RSF1: variants seen among roughly 807,000 people sequenced by gnomAD.
The protein encoded by RSF1 is remodeling and spacing factor 1.
RSF1 carries 13 observed loss-of-function variants against 145.2 expected under a neutral mutation model. The ratio of observed to expected loss-of-function variants is 0.09; its 90% CI spans 0.06 to 0.14. RSF1 has a LOEUF of 0.14. Among genes scored for constraint, RSF1 ranks in the 10% least tolerant of loss-of-function variants. The pLI, the probability that RSF1 is intolerant of heterozygous loss-of-function variation, is 1.00. For missense variants in RSF1, 1,517 were observed against 1,718.2 expected, an observed-to-expected ratio of 0.88 and a Z score of 2.07; for synonymous variants, 577 against 592.6, an observed-to-expected ratio of 0.97 and a Z score of 0.38.
intron 7 of RSF1, among the ~76,000 whole-genome samples, chr11:77,694,501 T>TA (rs1565150779): frequency 6.6e-6 from 1 of 152,220 alleles, no homozygotes; most frequent in Non-Finnish European, 1.5e-5. Context: ...GGTCTAAAAC[T>TA]AAACACAGTA....
At chr11:77,732,602 AG>A (rs1961234473) in intron 4 of RSF1, among the ~76,000 whole-genome samples, 1 of 152,168 alleles carries the variant, frequency 6.6e-6, no homozygotes, top group Admixed American at 6.5e-5. Flanking sequence ...GATTGAATTA[AG>A]GGTGCAGGTT....
chr11:77,786,946 G>C (rs1948462640), intron 1 of RSF1, among the ~76,000 whole-genome samples: 1 of 152,168 alleles, frequency 6.6e-6, no homozygotes, highest in South Asian at 2.1e-4. Flanking sequence ...TGGGTAAAGA[G>C]GCAAACAGGG....
rs1418793397 is a variant in RSF1 at position 77,737,619 on chromosome 11, GGGGTGTGTGTGTGTGTGT to G, written c.578+3094_578+3111del. ...TGGAAAGAAGTTTTATGTGTTTTGG[GGGGTGTGTGTGTGTGTGT>G]GTGTGTGTGTGTGTGTGTGTGTGTG... is the stretch of plus-strand genomic sequence containing the variant. On this transcript the variant is annotated intron_variant, in intron 4 of 15. Coordinates refer to ENST00000308488, the MANE Select transcript of RSF1 (RefSeq NM_016578.4). Among the ~76,000 whole-genome samples, 291 of 102,378 alleles carry G rather than the reference GGGGTGTGTGTGTGTGTGT, an allele frequency of 2.8e-3. 1 individual carries two copies. The highest frequency in any genetic ancestry group is 0.01 in the African/African-American group (272 of 26,754). The allele number at this position is 102,378 out of a possible 152,430, so 67.2% of individuals were successfully genotyped here.
At position 77,701,090 on chromosome 11, in the gene RSF1, T is replaced by G; in HGVS notation, c.2139A>C (p.Glu713Asp). The part of the protein sequence containing the change: ...KSKFKYKLVP[E>D]EETTASENTE... ...TATTTTCTGAGGCAGTGGTTTCTTC[T>G]TCAGGAACCAACTTATATTTGAATT... is the stretch of plus-strand genomic sequence containing the variant. The change falls in exon 6 of 16, where the codon GAA becomes GAC. Residue 713 changes from glutamate to aspartate, a missense_variant. Glu to Asp is a conservative substitution (Grantham distance 45, BLOSUM62 2). Transcript: ENST00000308488. 1 of 1,613,562 alleles carries G rather than the reference T, an allele frequency of 6.2e-7. No individual in the cohort carries two copies. Among genetic ancestry groups the G allele is most frequent in the South Asian group, 1.1e-5 (1 of 90,962 alleles).
the RSF1 span, among the ~76,000 whole-genome samples, chr11:77,847,942 TA>T: frequency 6.6e-6 from 1 of 152,104 alleles, no homozygotes; most frequent in Non-Finnish European, 1.5e-5. Flanking sequence ...ATGTCCCAGT[TA>T]AAATGGTGAG....
chr11:77,787,604 T>C (rs1211203478), intron 1 of RSF1, among the ~76,000 whole-genome samples: 1 of 151,992 alleles, frequency 6.6e-6, no homozygotes, highest in Non-Finnish European at 1.5e-5. Flanking sequence ...CTTGCCTTAA[T>C]ATGAAAAAAA....
At chr11:77,855,949 C>T in the RSF1 span, among the ~76,000 whole-genome samples, 1 of 151,990 alleles carries the variant, frequency 6.6e-6, no homozygotes, top group Admixed American at 6.6e-5. Context: ...AAAACCCTGG[C>T]TCTAGCAAAA....
chr11:77,872,061 G>T, the RSF1 span: 2 of 1,198,158 alleles, frequency 1.7e-6, no homozygotes, highest in Non-Finnish European at 2.3e-6. Flanking sequence ...CTGAGTGATC[G>T]TGAAGTGACG....
At chr11:77,832,421 G>T in the RSF1 span, among the ~76,000 whole-genome samples, 1 of 151,696 alleles carries the variant, frequency 6.6e-6, no homozygotes, top group Non-Finnish European at 1.5e-5. Context: ...CCGCCTCCCG[G>T]GTTCAAGCGA....
At chr11:77,775,766 C>G (rs1256773074) in intron 1 of RSF1, among the ~76,000 whole-genome samples, 1 of 152,078 alleles carries the variant, frequency 6.6e-6, no homozygotes, top group East Asian at 1.9e-4. Flanking sequence ...GACCCTGTTT[C>G]TTTGTTTGTT....
At chr11:77,747,378 A>G (rs1948013119) in intron 2 of RSF1, among the ~76,000 whole-genome samples, 1 of 152,218 alleles carries the variant, frequency 6.6e-6, no homozygotes. Context: ...AGAACTTTAT[A>G]CATACTTTAT....
Position 77,702,345 on chromosome 11 carries a change from A to G in RSF1, c.884T>C (p.Leu295Pro). ...ELVKLPVIVK[L>P]EKPLPENEEK... ...TTCATTTTCTGGCAAAGGTTTTTCT[A>G]GCTTCACTATGACTGGCAGTTTCAC... The change falls in exon 6 of 16, where the codon CTA (leucine) becomes CCA (proline). Residue 295 changes from leucine (L) to proline (P), a missense_variant. This residue lies in a region of RSF1 where 207 missense variants were observed against 191.4 expected (regional missense o/e 1.08). Coordinates refer to ENST00000308488, the MANE Select transcript of RSF1 (RefSeq NM_016578.4). 6.2e-7 allele frequency: 1 copy of G among 1,610,964 alleles called. No homozygotes were observed. Among genetic ancestry groups the G allele is most frequent in the Non-Finnish European group, 8.5e-7 (1 of 1,179,368 alleles).
At chr11:77,840,427 G>A in the RSF1 span, among the ~76,000 whole-genome samples, 1 of 152,182 alleles carries the variant, frequency 6.6e-6, no homozygotes, top group South Asian at 2.1e-4. Context: ...TACTTGGGAG[G>A]CTGAGGCAGG....
chr11:77,667,290 G>C lies in RSF1; in HGVS notation c.3953C>G (p.Ala1318Gly), dbSNP rs551216607. 6.2e-7 allele frequency: 1 copy of C among 1,614,152 alleles called. No individual in the cohort carries two copies. The highest frequency in any genetic ancestry group is 1.3e-5 in the African/African-American group (1 of 75,044). The change falls in exon 16 of 16, where the codon GCA (alanine) becomes GGA (glycine). Residue 1318 changes from alanine to glycine, a missense_variant. Ala to Gly is a moderately conservative substitution (Grantham distance 60, BLOSUM62 0). Transcript: ENST00000308488. Reference sequence around the variant, plus strand: ...CTGGCTGTCACGGGCAGGCTGATTTGCATCTCCATGAGCATTGTCACAACT... The same window carrying C: ...CTGGCTGTCACGGGCAGGCTGATTTCCATCTCCATGAGCATTGTCACAACT... ...EESCDNAHGD[A>G]NQPARDSQPR...
At chr11:77,732,426 T>C (rs1324187264) in intron 4 of RSF1, among the ~76,000 whole-genome samples, 1 of 152,084 alleles carries the variant, frequency 6.6e-6, no homozygotes, top group Admixed American at 6.6e-5. Context: ...AGTCAATACT[T>C]TGGGGGACTG....
At chr11:77,780,459 G>C (rs1375915611) in intron 1 of RSF1, among the ~76,000 whole-genome samples, 1 of 152,184 alleles carries the variant, frequency 6.6e-6, no homozygotes, top group Non-Finnish European at 1.5e-5. Flanking sequence ...TGAAGTTTTA[G>C]GAAGTTTAGT....
chr11:77,766,454 G>C (rs1290221798), intron 1 of RSF1, among the ~76,000 whole-genome samples: 1 of 152,094 alleles, frequency 6.6e-6, no homozygotes, highest in Non-Finnish European at 1.5e-5. Context: ...CAGTCCTTCT[G>C]TCTTTAATGA....
At chr11:77,836,791 C>T in the RSF1 span, among the ~76,000 whole-genome samples, 9 of 152,142 alleles carry the variant, frequency 5.9e-5, no homozygotes, top group African/African-American at 1.9e-4. Context: ...CATGGAGAAA[C>T]GCCATCTCTA....
intron 2 of RSF1, among the ~76,000 whole-genome samples, chr11:77,751,350 CACTTA>C (rs1276058432): frequency 6.6e-6 from 1 of 152,132 alleles, no homozygotes; most frequent in African/African-American, 2.4e-5. Flanking sequence ...CAGCTAGCCC[CACTTA>C]AGTTCCAGTC....
Sources: allele counts gnomAD v4.1 joint callset (sites outside exome capture counted in the v4.1 genomes callset), GRCh38; gene constraint gnomAD v4.1.1; regional missense constraint gnomAD v4.1.1; transcripts MANE v1.5; gene names NCBI Gene and HGNC (gene_info 2026-07-23, HGNC 2026-07-21).